Variants in TMED3 observed in about 807,000 individuals in gnomAD.
The protein encoded by TMED3 is transmembrane p24 trafficking protein 3.
Under a neutral mutation model 15.0 loss-of-function variants are expected in TMED3, and 9 were observed. The observed-to-expected ratio is 0.60, with a 90% CI of 0.36 to 1.04. The LOEUF (loss-of-function observed/expected upper bound fraction) is 1.04. Ranked by LOEUF, TMED3 falls within the 50% of genes least tolerant of loss-of-function variation. TMED3 has a pLI of 0.01. For synonymous variants in TMED3, 117 were observed against 121.4 expected, an observed-to-expected ratio of 0.96 and a Z score of 0.24; for missense variants, 267 against 278.9, an observed-to-expected ratio of 0.96 and a Z score of 0.30.
At chr15:79,399,350 G>A (rs983614281) in intron 2 of TMED3, among the ~76,000 whole-genome samples, 5 of 152,174 alleles carry the variant, frequency 3.3e-5, no homozygotes, top group African/African-American at 1.2e-4. Context: ...GCCCAGGACT[G>A]AAGGGTTTCC....
At chr15:79,359,434 T>G (rs12441868) in intron 2 of TMED3, among the ~76,000 whole-genome samples, 17,351 of 151,802 alleles carry the variant, frequency 0.11, 1,359 homozygotes, top group East Asian at 0.4. Flanking sequence ...GTTTCACCAT[T>G]TTGACCAAGT....
rs149833146 is a variant in TMED3 at position 79,397,853 on chromosome 15, A to G, written c.418-13547A>G. ...AATTTTTTAGAGCAGTTTTAGGTTCATGGCAAAATTGAATGAAAAATACAG... is the reference window on the plus strand; with the variant it reads ...AATTTTTTAGAGCAGTTTTAGGTTCGTGGCAAAATTGAATGAAAAATACAG... On this transcript the variant is annotated intron_variant, in intron 2 of 2. Coordinates refer to the TMED3 transcript ENST00000424155. Among the ~76,000 whole-genome samples the G allele has an allele frequency of 6.6e-5, 10 of 152,338 alleles. No individual in the cohort carries two copies. In the East Asian group the frequency reaches 1.7e-3, roughly 26 times the overall value.
intron 2 of TMED3, among the ~76,000 whole-genome samples, chr15:79,352,841 TATATAAAATATAC>T (rs1378308988): frequency 3.2e-5 from 4 of 123,474 alleles, no homozygotes; most frequent in Non-Finnish European, 5.0e-5. Context: ...TATATATATA[TATATAAAATATAC>T]ATATAAAATA....
At chr15:79,380,598 T>TAG (rs1255745376) in intron 2 of TMED3, among the ~76,000 whole-genome samples, 3,372 of 146,306 alleles carry the variant, frequency 0.023, 63 homozygotes, top group Non-Finnish European at 0.033. Context: ...TATATATATA[T>TAG]ATAGAGAGAG....
chr15:79,378,683 G>C (rs568239314), intron 2 of TMED3, among the ~76,000 whole-genome samples: 3 of 152,306 alleles, frequency 2.0e-5, no homozygotes, highest in Non-Finnish European at 2.9e-5. Context: ...TGGGCAGGCA[G>C]CCAACTACAA....
chr15:79,411,772 ACTT>A (rs2141261634), exon 3 of TMED3: 1 of 403,486 alleles, frequency 2.5e-6, no homozygotes, highest in East Asian at 4.3e-5. Context: ...TAGGGGCAGC[ACTT>A]CAGCCTGGGT....
At chr15:79,325,830 G>T (rs2058785292), downstream of TMED3, among the ~76,000 whole-genome samples, 1 of 152,222 alleles carries the variant, frequency 6.6e-6, no homozygotes, top group Non-Finnish European at 1.5e-5. Context: ...ATCCAGCACG[G>T]GAGAAAGATG....
At chr15:79,352,330 A>G (rs2058894052) in intron 2 of TMED3, among the ~76,000 whole-genome samples, 1 of 152,086 alleles carries the variant, frequency 6.6e-6, no homozygotes, top group East Asian at 1.9e-4. Context: ...CAGCATTTGA[A>G]TCATGCTCTG....
At chr15:79,376,482 A>C (rs978755146) in intron 2 of TMED3, among the ~76,000 whole-genome samples, 1 of 152,022 alleles carries the variant, frequency 6.6e-6, no homozygotes, top group Non-Finnish European at 1.5e-5. Context: ...TCCCATAACT[A>C]CTCATTTCTT....
At chr15:79,337,383 A>G (rs997015853) in intron 2 of TMED3, among the ~76,000 whole-genome samples, 2 of 152,226 alleles carry the variant, frequency 1.3e-5, no homozygotes, top group African/African-American at 4.8e-5. Flanking sequence ...TTATCTCCAA[A>G]TATAGTAACA....
chr15:79,313,830 C>T lies in TMED3; in HGVS notation c.242C>T (p.Thr81Met), dbSNP rs755717811. ...CAGGGGAACACCATCTACAGAGAAA[C>T]GAAGAAGCAGTACGACAGCTTCACG... The part of the protein sequence containing the change: ...DPQGNTIYRE[T>M]KKQYDSFTYR... Residue 81 changes from threonine (T) to methionine (M), a missense_variant, in exon 2 of 3, where the codon ACG (threonine) becomes ATG (methionine). Physicochemically the swap from Thr to Met is moderately conservative, Grantham distance 81 (BLOSUM62 -1). Coordinates refer to ENST00000299705, the MANE Select transcript of TMED3 (RefSeq NM_007364.4). 7.9e-5 allele frequency: 127 copies of T among 1,614,068 alleles called. No homozygotes were observed. The highest frequency in any genetic ancestry group is 1.6e-4 in the Middle Eastern group (1 of 6,084).
chr15:79,348,286 A>G (rs2058878626), intron 2 of TMED3, among the ~76,000 whole-genome samples: 2 of 152,232 alleles, frequency 1.3e-5, no homozygotes, highest in Admixed American at 1.3e-4. Context: ...AAATGGTGAC[A>G]CTTATCAATG....
chr15:79,370,633 A>G (rs1426786040), intron 2 of TMED3, among the ~76,000 whole-genome samples: 3 of 152,132 alleles, frequency 2.0e-5, no homozygotes, highest in African/African-American at 7.2e-5. Context: ...TCAGTGTCAC[A>G]TGTCTGTGTC....
At chr15:79,379,958 AAAGATCAC>A (rs1161851090) in intron 2 of TMED3, among the ~76,000 whole-genome samples, 1 of 152,228 alleles carries the variant, frequency 6.6e-6, no homozygotes, top group African/African-American at 2.4e-5. Context: ...ACCAAATCTG[AAAGATCAC>A]AAAAGGTTTT....
At chr15:79,410,086 C>A (rs556471793) in intron 2 of TMED3, among the ~76,000 whole-genome samples, 201 of 152,018 alleles carry the variant, frequency 1.3e-3, no homozygotes, top group Non-Finnish European at 2.1e-3. Context: ...ACATATGCCA[C>A]CTATTCATTA....
At chr15:79,383,624 T>A (rs1332635568) in intron 2 of TMED3, 1 of 152,294 alleles carries the variant, frequency 6.6e-6, no homozygotes, top group East Asian at 1.9e-4. Flanking sequence ...TATTGCCAAC[T>A]AGGGAAGTTC....
Position 79,406,475 on chromosome 15 carries a change from G to T in TMED3, c.418-4925G>T, listed in dbSNP as rs1417797477. On this transcript the variant is annotated intron_variant, in intron 2 of 2. Transcript: ENST00000424155. ...TAACTGGGAGGGTGGGGGCCACAGT[G>T]GCATGCTGGGTCCCTTATCATCAGT... 6.6e-5 allele frequency among the ~76,000 whole-genome samples: 10 copies of T among 152,244 alleles called. No individual in the cohort carries two copies. In the East Asian group the frequency reaches 1.7e-3, roughly 26 times the overall value.
intron 2 of TMED3, among the ~76,000 whole-genome samples, chr15:79,355,973 AT>A (rs2058917233): frequency 1.3e-5 from 2 of 152,344 alleles, no homozygotes; most frequent in South Asian, 4.1e-4. Flanking sequence ...AGTAAACATC[AT>A]TATTATAAAC....
At chr15:79,318,029 A>G (rs114326426) in intron 2 of TMED3, among the ~76,000 whole-genome samples, 5,510 of 152,068 alleles carry the variant, frequency 0.036, 318 homozygotes, top group African/African-American at 0.13. Flanking sequence ...CTGCTTCTCC[A>G]CGCATCCCCA....
Sources: allele counts gnomAD v4.1 joint callset (sites outside exome capture counted in the v4.1 genomes callset), GRCh38; gene constraint gnomAD v4.1.1; transcripts MANE v1.5; gene names NCBI Gene and HGNC (gene_info 2026-07-23, HGNC 2026-07-21).